The following CPQ variants were observed in gnomAD, a reference collection of about 807,000 sequenced individuals.
CPQ encodes the protein carboxypeptidase Q.
A neutral mutation model predicts 45.7 loss-of-function variants in CPQ; 37 were observed. The ratio of observed to expected loss-of-function variants is 0.81; its 90% confidence interval spans 0.62 to 1.07. The LOEUF (loss-of-function observed/expected upper bound fraction) is 1.07. Ranked by LOEUF, CPQ falls within the 50% of genes least tolerant of loss-of-function variation. The pLI, the probability that CPQ is intolerant of heterozygous loss-of-function variation, is 0.00. For synonymous variants in CPQ, 186 were observed against 205.8 expected (o/e 0.90, Z 0.82); for missense variants, 537 against 572.9 (o/e 0.94, Z 0.64).
At chr8:96,808,569 A>G (rs1811115675) in intron 2 of CPQ, among the ~76,000 whole-genome samples, 1 of 152,212 alleles carries the variant, frequency 6.6e-6, no homozygotes, top group Admixed American at 6.5e-5. Context: ...ACCAGGGGAT[A>G]AAACCCCTCA....
At chr8:97,108,492 ATTTTAT>A (rs1053220278) in intron 7 of CPQ, among the ~76,000 whole-genome samples, 7 of 152,344 alleles carry the variant, frequency 4.6e-5, no homozygotes, top group Non-Finnish European at 8.8e-5. Flanking sequence ...CTTCTCATAA[ATTTTAT>A]TTTTAAGTGT....
intron 2 of CPQ, among the ~76,000 whole-genome samples, chr8:96,799,471 G>T (rs1413017810): frequency 6.6e-6 from 1 of 151,686 alleles, no homozygotes; most frequent in Non-Finnish European, 1.5e-5. Flanking sequence ...TTTTTTTAGG[G>T]CTTAATCTTT....
chr8:96,678,502 A>G (rs752784332), intron 1 of CPQ, among the ~76,000 whole-genome samples: 8 of 152,114 alleles, frequency 5.3e-5, no homozygotes, highest in Non-Finnish European at 8.8e-5. Flanking sequence ...GATGTGTTTC[A>G]TCATGGCTGC....
At chr8:96,666,386 A>G (rs1431160087) in intron 1 of CPQ, among the ~76,000 whole-genome samples, 1 of 152,188 alleles carries the variant, frequency 6.6e-6, no homozygotes, top group Non-Finnish European at 1.5e-5. Context: ...AACATTAAGA[A>G]TACAGAAAAT....
intron 4 of CPQ, among the ~76,000 whole-genome samples, chr8:96,886,842 T>A (rs1563521190): frequency 6.6e-6 from 1 of 152,186 alleles, no homozygotes; most frequent in Non-Finnish European, 1.5e-5. Context: ...TACCTTTCTC[T>A]CATGCTTTTT....
intron 3 of CPQ, among the ~76,000 whole-genome samples, chr8:96,861,052 T>C (rs1811920159): frequency 6.6e-6 from 1 of 152,168 alleles, no homozygotes; most frequent in African/African-American, 2.4e-5. Context: ...ACTTATTTAT[T>C]CACTCTTCTT....
chr8:96,842,533 C>T (rs2130854171), intron 3 of CPQ, among the ~76,000 whole-genome samples: 1 of 152,178 alleles, frequency 6.6e-6, no homozygotes, highest in Non-Finnish European at 1.5e-5. Context: ...CACTGTGCTC[C>T]CAAGGGGGAA....
At chr8:96,837,767 T>A (rs57673403) in intron 3 of CPQ, among the ~76,000 whole-genome samples, 148 of 152,290 alleles carry the variant, frequency 9.7e-4, no homozygotes, top group African/African-American at 3.4e-3. Context: ...TATTTCAGTT[T>A]CAATTTTTTT....
chr8:96,925,368 G>A (rs896878064), intron 4 of CPQ, among the ~76,000 whole-genome samples: 4 of 151,046 alleles, frequency 2.6e-5, no homozygotes, highest in Non-Finnish European at 4.4e-5. Flanking sequence ...GCCTTTGGGT[G>A]TGGAATTCAG....
chr8:97,143,142 T>C lies in CPQ; in HGVS notation c.1378T>C (p.Tyr460His), dbSNP rs1237754067. 6.2e-7 allele frequency: 1 copy of C among 1,613,902 alleles called. No individual in the cohort carries two copies. Among genetic ancestry groups the C allele is most frequent in the Non-Finnish European group, 8.5e-7 (1 of 1,179,946 alleles). The change falls in exon 8 of 8, where the codon TAT becomes CAT. Residue 460 changes from tyrosine (Y) to histidine (H), a missense_variant. By Grantham distance (83) the Tyr-to-His change is moderately conservative. Coordinates refer to ENST00000220763, the MANE Select transcript of CPQ (RefSeq NM_016134.4). ...VAAAVWAVVSYVVADMEEMLP... is the reference protein window; with the variant it reads ...VAAAVWAVVSHVVADMEEMLP... ...TGCTGCTGTTTGGGCTGTTGTTTCTTATGTTGTTGCAGACATGGAAGAAAT... is the reference window on the plus strand; with the variant it reads ...TGCTGCTGTTTGGGCTGTTGTTTCTCATGTTGTTGCAGACATGGAAGAAAT...
intron 1 of CPQ, among the ~76,000 whole-genome samples, chr8:96,773,332 T>A (rs1810569624): frequency 6.6e-6 from 1 of 152,112 alleles, no homozygotes; most frequent in South Asian, 2.1e-4. Flanking sequence ...CGCCATTAAG[T>A]GATATAGTCT....
At chr8:96,702,240 A>C (rs1809471777) in intron 1 of CPQ, among the ~76,000 whole-genome samples, 1 of 152,182 alleles carries the variant, frequency 6.6e-6, no homozygotes, top group African/African-American at 2.4e-5. Flanking sequence ...AGTTGAAGGA[A>C]GTGCCATCTT....
At chr8:96,732,892 G>T (rs1410407809) in intron 1 of CPQ, among the ~76,000 whole-genome samples, 1 of 152,122 alleles carries the variant, frequency 6.6e-6, no homozygotes, top group African/African-American at 2.4e-5. Flanking sequence ...GTATTCTGAA[G>T]AAAATTTCTA....
intron 2 of CPQ, among the ~76,000 whole-genome samples, chr8:96,822,280 C>T (rs1811318736): frequency 6.6e-6 from 1 of 151,976 alleles, no homozygotes; most frequent in African/African-American, 2.4e-5. Flanking sequence ...CTATATACCA[C>T]ATTTCCTTTA....
At chr8:97,100,943 G>A (rs1409956845) in intron 7 of CPQ, among the ~76,000 whole-genome samples, 2 of 152,108 alleles carry the variant, frequency 1.3e-5, no homozygotes, top group Non-Finnish European at 2.9e-5. Context: ...AGTTCAATTT[G>A]TGTGATTAAA....
chr8:97,063,256 T>C (rs530489268), intron 6 of CPQ, among the ~76,000 whole-genome samples: 13 of 152,324 alleles, frequency 8.5e-5, no homozygotes, highest in Non-Finnish European at 1.5e-4. Flanking sequence ...TTTCATATGC[T>C]TGTTGGCCAC....
rs946545535 is a variant in CPQ, at chr8:96,658,560, G to C, written c.-35+13158G>C. Among the ~76,000 whole-genome samples, 9 of 152,202 alleles carry C rather than the reference G, an allele frequency of 5.9e-5. No individual in the cohort carries two copies. In the East Asian group the frequency reaches 1.7e-3, roughly 29 times the overall value. On this transcript the variant is annotated intron_variant, in intron 1 of 7. Transcript: ENST00000220763. ...GCATGTTAGATTACATTGCAAAGGGGAATTAAGGTTGCAGATAGAATTAAC... is the reference window on the plus strand; with the variant it reads ...GCATGTTAGATTACATTGCAAAGGGCAATTAAGGTTGCAGATAGAATTAAC...
intron 4 of CPQ, among the ~76,000 whole-genome samples, chr8:96,952,851 G>A (rs1309790599): frequency 6.6e-6 from 1 of 152,044 alleles, no homozygotes; most frequent in Non-Finnish European, 1.5e-5. Flanking sequence ...AGTCCATCAT[G>A]GATTATCAAA....
intron 7 of CPQ, among the ~76,000 whole-genome samples, chr8:97,090,838 A>G (rs551787627): frequency 1.6e-3 from 247 of 152,096 alleles, no homozygotes; most frequent in Non-Finnish European, 2.9e-3. Flanking sequence ...ACCCACCCCA[A>G]CTAGAGAAAC....
Sources: gnomAD v4.1 joint callset for allele counts (sites outside exome capture counted in the v4.1 genomes callset) on GRCh38, gnomAD v4.1.1 for gene constraint, MANE v1.5 for transcripts, NCBI Gene and HGNC (gene_info 2026-07-23, HGNC 2026-07-21) for gene names.